Variants in FMN2 observed in about 807,000 individuals in gnomAD.
The protein encoded by FMN2 is formin-2.
In FMN2, 51 loss-of-function variants were observed where a neutral mutation model predicts 142.3. That is an observed-to-expected ratio of 0.36 (90% confidence interval 0.29 to 0.45). The LOEUF is 0.45. Among genes scored for constraint, FMN2 ranks in the 20% least tolerant of loss-of-function variants. FMN2 has a pLI of 1.00. For synonymous variants in FMN2, 882 were observed against 869.8 expected, an observed-to-expected ratio of 1.01 and a Z score of -0.25; for missense variants, 1,936 against 2,122.8, an observed-to-expected ratio of 0.91 and a Z score of 1.73.
chr1:240,303,282 A>G (rs1299048445), intron 8 of FMN2, among the ~76,000 whole-genome samples: 1 of 152,154 alleles, frequency 6.6e-6, no homozygotes, highest in East Asian at 1.9e-4. Flanking sequence ...GCTTTGAGTT[A>G]TGGTCTAGTG....
intron 14 of FMN2, among the ~76,000 whole-genome samples, chr1:240,390,618 A>G (rs1016906351): frequency 1.3e-5 from 2 of 152,164 alleles, no homozygotes; most frequent in African/African-American, 4.8e-5. Flanking sequence ...TCACTTTAAG[A>G]ATTTTGAGAT....
intron 7 of FMN2, among the ~76,000 whole-genome samples, chr1:240,293,775 A>G (rs1669870946): frequency 6.6e-6 from 1 of 152,078 alleles, no homozygotes; most frequent in Admixed American, 6.6e-5. Context: ...TTTTTGGTGA[A>G]TCTGGGCTCC....
chr1:240,302,048 A>G (rs2102974049), intron 8 of FMN2, among the ~76,000 whole-genome samples: 1 of 152,074 alleles, frequency 6.6e-6, no homozygotes, highest in South Asian at 2.1e-4. Context: ...GATTCTGTTC[A>G]TTAGATTTTC....
intron 1 of FMN2, among the ~76,000 whole-genome samples, chr1:240,096,662 A>C (rs1350870397): frequency 1.3e-5 from 2 of 152,240 alleles, no homozygotes; most frequent in Non-Finnish European, 2.9e-5. Flanking sequence ...GCAGGTGATC[A>C]TTATATCTAT....
Position 240,122,075 on chromosome 1 carries a change from A to AATTAATTAATTT in FMN2, c.1616-1101_1616-1100insAATTAATTTATT, listed in dbSNP as rs547438686. On this transcript the variant is annotated intron_variant, in intron 1 of 17. Coordinates refer to ENST00000319653, the MANE Select transcript of FMN2 (RefSeq NM_020066.5). ...CTTTTGGATCCAAAATTAATTAATT[A>AATTAATTAATTT]ATTTATTTATTTATTTATGAATTAT... Among the ~76,000 whole-genome samples, 1,195 of 146,658 alleles carry AATTAATTAATTT rather than the reference A, an allele frequency of 8.1e-3. 16 individuals carry two copies. Among genetic ancestry groups the AATTAATTAATTT allele is most frequent in the Admixed American group, 0.029 (429 of 14,610 alleles).
At chr1:240,326,380 T>C (rs1671171156) in intron 8 of FMN2, among the ~76,000 whole-genome samples, 1 of 152,236 alleles carries the variant, frequency 6.6e-6, no homozygotes, top group African/African-American at 2.4e-5. Context: ...GTGCAATTAG[T>C]AATTCATATG....
chr1:240,402,931 A>G (rs1157939457), intron 15 of FMN2, among the ~76,000 whole-genome samples: 1 of 152,214 alleles, frequency 6.6e-6, no homozygotes, highest in Non-Finnish European at 1.5e-5. Context: ...ACAGGTAAAA[A>G]CTATATTTTC....
At chr1:240,381,219 A>T (rs780406030) in intron 14 of FMN2, among the ~76,000 whole-genome samples, 4 of 152,178 alleles carry the variant, frequency 2.6e-5, no homozygotes, top group Middle Eastern at 3.2e-3. Flanking sequence ...AAACAACAGA[A>T]AACAAAACAC....
intron 1 of FMN2, among the ~76,000 whole-genome samples, chr1:240,099,001 A>G (rs1350767640): frequency 6.6e-6 from 1 of 152,160 alleles, no homozygotes; most frequent in African/African-American, 2.4e-5. Flanking sequence ...TTGCAATCCT[A>G]GTTTTGCTGT....
chr1:240,162,189 G>A (rs910376439), intron 2 of FMN2, among the ~76,000 whole-genome samples: 17 of 151,290 alleles, frequency 1.1e-4, no homozygotes, highest in African/African-American at 4.1e-4. Context: ...AAAGCAGCTG[G>A]GCATGGTGGC....
At chr1:240,245,270 G>T (rs1053795185) in intron 6 of FMN2, 1 of 320,892 alleles carries the variant, frequency 3.1e-6, no homozygotes, top group East Asian at 8.7e-5. Flanking sequence ...GTTAAAAGGG[G>T]ACTGACAGGA....
intron 14 of FMN2, among the ~76,000 whole-genome samples, chr1:240,361,137 ATGTGTATATATATATATATATATATATAT>A (rs1368638002): frequency 0.37 from 44,802 of 121,194 alleles, 7,975 homozygotes; most frequent in Admixed American, 0.5. Context: ...AAATAAATAT[ATGTGTATATATATATATATATATATATAT>A]ATATATATAT....
intron 16 of FMN2, among the ~76,000 whole-genome samples, chr1:240,449,952 G>A (rs1281347224): frequency 6.6e-6 from 1 of 152,106 alleles, no homozygotes; most frequent in Non-Finnish European, 1.5e-5. Flanking sequence ...CAGGTTTTAA[G>A]TGTACAATAC....
Position 240,223,090 on chromosome 1 carries a change from C to T in FMN2, c.4065+11855C>T, listed in dbSNP as rs553827388. On this transcript the variant is annotated intron_variant, in intron 6 of 17. Coordinates refer to ENST00000319653, the MANE Select transcript of FMN2 (RefSeq NM_020066.5). ...TTTTCAAAAGGAATGCTTCCATCTT[C>T]TGCCCATTCAGTATGATATTGGCTG... Among the ~76,000 whole-genome samples, 412 of 152,284 alleles carry T rather than the reference C, an allele frequency of 2.7e-3. 3 individuals are homozygous for T. In the South Asian group the frequency reaches 0.027, roughly 10 times the overall value.
chr1:240,243,538 G>C (rs1010194504), intron 6 of FMN2, among the ~76,000 whole-genome samples: 1 of 152,164 alleles, frequency 6.6e-6, no homozygotes, highest in Non-Finnish European at 1.5e-5. Context: ...AAACTCAAGT[G>C]ATTTTACAAC....
intron 16 of FMN2, among the ~76,000 whole-genome samples, chr1:240,452,927 T>C (rs1676109273): frequency 6.6e-6 from 1 of 152,170 alleles, no homozygotes; most frequent in Non-Finnish European, 1.5e-5. Flanking sequence ...TGTTTTCGTT[T>C]TACAAAGGCT....
intron 1 of FMN2, among the ~76,000 whole-genome samples, chr1:240,113,480 C>T (rs112336785): frequency 6.8e-6 from 1 of 147,364 alleles, no homozygotes; most frequent in South Asian, 2.1e-4. Context: ...ATCGCTTGAA[C>T]CGGGGAGGCA....
At chr1:240,284,341 G>A (rs979520193) in intron 7 of FMN2, among the ~76,000 whole-genome samples, 1 of 151,942 alleles carries the variant, frequency 6.6e-6, no homozygotes, top group Admixed American at 6.6e-5. Flanking sequence ...CTTTTAAGCT[G>A]GGGGGGAGGA....
At chr1:240,267,092 C>G (rs891145039) in intron 7 of FMN2, among the ~76,000 whole-genome samples, 1 of 152,044 alleles carries the variant, frequency 6.6e-6, no homozygotes, top group Non-Finnish European at 1.5e-5. Flanking sequence ...CAAAAATTGA[C>G]AAGTGGAACC....
Sources: gnomAD v4.1 joint callset for allele counts (sites outside exome capture counted in the v4.1 genomes callset) on GRCh38, gnomAD v4.1.1 for gene constraint, MANE v1.5 for transcripts, NCBI Gene and HGNC (gene_info 2026-07-23, HGNC 2026-07-21) for gene names.